Variants in FAH observed in about 807,000 individuals in gnomAD.
The protein encoded by FAH is fumarylacetoacetase.
A neutral mutation model predicts 55.8 loss-of-function variants in FAH; 47 were observed. That is an observed-to-expected ratio of 0.84 (90% confidence interval 0.67 to 1.07). FAH has a LOEUF of 1.07. Ranked by LOEUF, FAH falls within the 50% of genes least tolerant of loss-of-function variation. The pLI, the probability that FAH is intolerant of heterozygous loss-of-function variation, is 0.00. For synonymous variants in FAH, 199 were observed against 207.7 expected, an observed-to-expected ratio of 0.96 and a Z score of 0.36; for missense variants, 495 against 545.9, an observed-to-expected ratio of 0.91 and a Z score of 0.93.
In FAH at chr15:80,184,708, A is replaced by G. The variant is rs2041356335; in HGVS notation, c.1181-1422A>G. ...ACAAAGGGCATCCCTGCATGTTGTC[A>G]GCATGTGGGTCACGGGGCTTCTTAG... On this transcript the variant is annotated intron_variant, in intron 13 of 13. Coordinates refer to ENST00000561421, the MANE Select transcript of FAH (RefSeq NM_000137.4). 3.3e-5 allele frequency among the ~76,000 whole-genome samples: 5 copies of G among 152,212 alleles called. No homozygotes were observed. The South Asian group carries it at 1.0e-3, about 32-fold the overall frequency.
At chr15:80,173,297 C>T (rs902678789) in intron 9 of FAH, 153 bp downstream of exon 9, 1 of 978,512 alleles carries the variant, frequency 1.0e-6, no homozygotes, top group Admixed American at 1.8e-5. Context: ...GAGTTCCTGG[C>T]CACGATTACT....
intron 4 of FAH, among the ~76,000 whole-genome samples, chr15:80,161,310 A>T: frequency 6.6e-6 from 1 of 150,822 alleles, no homozygotes; most frequent in Non-Finnish European, 1.5e-5. Flanking sequence ...TCTTTTGAAA[A>T]ATCTCTCAGC....
chr15:80,170,133 C>T (rs1272946951), intron 7 of FAH, among the ~76,000 whole-genome samples: 2 of 152,218 alleles, frequency 1.3e-5, no homozygotes. Flanking sequence ...GGGGAGGCAG[C>T]GCTCCGGGGA....
At chr15:80,157,047 A>T (rs1301936367) in intron 1 of FAH, 9 of 152,368 alleles carry the variant, frequency 5.9e-5, no homozygotes. Flanking sequence ...TCTTTGCCTA[A>T]AGCAGATTTG....
At chr15:80,176,356 C>T (rs184816645) in intron 10 of FAH, among the ~76,000 whole-genome samples, 1 of 152,340 alleles carries the variant, frequency 6.6e-6, no homozygotes. Context: ...CTGTACACTC[C>T]AGGCTTTGCC....
At chr15:80,160,565 G>T in intron 4 of FAH, 106 bp downstream of exon 4, 2 of 1,091,490 alleles carry the variant, frequency 1.8e-6, no homozygotes, top group Non-Finnish European at 2.8e-6. Context: ...CCTGCTGGTG[G>T]GGGGAGATGG....
chr15:80,158,218 G>A (rs2041116577), intron 2 of FAH, 48 bp downstream of exon 2: 1 of 1,266,232 alleles, frequency 7.9e-7, no homozygotes, highest in Non-Finnish European at 1.2e-6. Context: ...GGCACTTACT[G>A]TGGATGCCAA....
rs2041065761 is a variant in FAH, at chr15:80,153,106, C to T, written c.52C>T (p.Pro18Ser). The T allele has an allele frequency of 6.2e-7, 1 of 1,613,686 alleles. No homozygotes were observed. The highest frequency in any genetic ancestry group is 2.2e-5 in the East Asian group (1 of 44,814). The change falls in exon 1 of 14, where the codon CCC becomes TCC. Residue 18 changes from proline (P) to serine (S), a missense_variant. Coordinates refer to ENST00000561421, the MANE Select transcript of FAH (RefSeq NM_000137.4). ...EDSDFPIHNL[P>S]YGVFSTRGDP... Reference sequence around the variant, plus strand: ...TTCCGACTTCCCCATCCACAACCTGCCCTACGGCGTCTTCTCGACCAGAGG... The same window carrying T: ...TTCCGACTTCCCCATCCACAACCTGTCCTACGGCGTCTTCTCGACCAGAGG...
chr15:80,155,908 G>A lies in FAH; in HGVS notation c.82-2152G>A, dbSNP rs567796096. 3.0e-3 allele frequency: 1,446 copies of A among 478,046 alleles called. 14 individuals carry two copies. The highest frequency in any genetic ancestry group is 4.0e-3 in the Non-Finnish European group (968 of 241,822). The allele number at this position is 478,046 out of a possible 1,614,324, so 29.6% of individuals were successfully genotyped here. On this transcript the variant is annotated intron_variant, in intron 1 of 13. Coordinates refer to ENST00000561421, the MANE Select transcript of FAH (RefSeq NM_000137.4). ...TAAGACTTTCGCTATTTCTTCTACC[G>A]CTATCTACTACAAACTTCAAAGAGG...
intron 2 of FAH, 36 bp downstream of exon 2, chr15:80,158,206 G>A (rs2142090862): frequency 1.4e-6 from 2 of 1,426,136 alleles, no homozygotes; most frequent in South Asian, 1.1e-5. Flanking sequence ...CCTGACCTCA[G>A]TGGCACTTAC....
At chr15:80,184,177 G>A (rs1211559217) in intron 13 of FAH, among the ~76,000 whole-genome samples, 1 of 152,196 alleles carries the variant, frequency 6.6e-6, no homozygotes, top group Admixed American at 6.5e-5. Flanking sequence ...GCTCTGCACT[G>A]CTGGACACAT....
rs567815427 is a variant in FAH at position 80,168,233 on chromosome 15, C to CTT, written c.554-31_554-30insTT. 7 of 1,590,518 alleles carry CTT rather than the reference C, an allele frequency of 4.4e-6. No individual in the cohort carries two copies. The African/African-American group carries it at 8.1e-5, about 18-fold the overall frequency. ...AGTTCTGTGGCCTCACTCACAGCAC[C>CTT]GTTTTTTTTTTTTTTCTGGTGTTAT... is the stretch of plus-strand genomic sequence containing the variant. On this transcript the variant is annotated intron_variant, in intron 6 of 13. Transcript: ENST00000561421.
At chr15:80,160,271 C>T (rs970958942) in intron 3 of FAH, 139 bp from the exon 4 acceptor site, 8 of 852,290 alleles carry the variant, frequency 9.4e-6, no homozygotes, top group African/African-American at 1.7e-5. Context: ...AAAGGTTCAG[C>T]ATAGCTCTGG....
At chr15:80,154,505 G>C (rs1359866705) in intron 1 of FAH, among the ~76,000 whole-genome samples, 1 of 152,238 alleles carries the variant, frequency 6.6e-6, no homozygotes, top group African/African-American at 2.4e-5. Flanking sequence ...CTCTGATACA[G>C]TGCTGGGGGT....
At chr15:80,179,770 C>T (rs1488052610) in intron 11 of FAH, among the ~76,000 whole-genome samples, 1 of 152,118 alleles carries the variant, frequency 6.6e-6, no homozygotes, top group Non-Finnish European at 1.5e-5. Context: ...GTTCCCAGGG[C>T]AGAGTGGAGT....
At chr15:80,186,633 T>A (rs2041373928), downstream of FAH, 1 of 254,920 alleles carries the variant, frequency 3.9e-6, no homozygotes, top group Non-Finnish European at 7.7e-6. Flanking sequence ...GCTTCTGGGA[T>A]TCTGGAGGGT....
At chr15:80,173,665 TCA>T in intron 9 of FAH, 6 of 241,794 alleles carry the variant, frequency 2.5e-5, no homozygotes, top group East Asian at 2.1e-4. Context: ...CCCCACTCCA[TCA>T]CTGGCAACAC....
At chr15:80,166,970 A>G (rs1033305649) in intron 5 of FAH, 1 of 152,016 alleles carries the variant, frequency 6.6e-6, no homozygotes, top group South Asian at 2.1e-4. Context: ...AGGCATGCCA[A>G]TCATTTTCCT....
chr15:80,171,941 G>A (rs573956100), intron 7 of FAH, among the ~76,000 whole-genome samples: 13 of 152,312 alleles, frequency 8.5e-5, no homozygotes, highest in Middle Eastern at 3.4e-3. Flanking sequence ...GAAGGCCGAT[G>A]GCGGGGGCAG....
Sources: gnomAD v4.1 joint callset for allele counts (sites outside exome capture counted in the v4.1 genomes callset) on GRCh38, gnomAD v4.1.1 for gene constraint, MANE v1.5 for transcripts, NCBI Gene and HGNC (gene_info 2026-07-23, HGNC 2026-07-21) for gene names.